The following MEGF9 variants were observed in gnomAD, a reference collection of about 807,000 sequenced individuals.
MEGF9 encodes multiple epidermal growth factor-like domains protein 9.
In MEGF9, 6 loss-of-function variants were observed where a neutral mutation model predicts 46.8. The ratio of observed to expected loss-of-function variants is 0.13; its 90% confidence interval spans 0.07 to 0.25. MEGF9 has a LOEUF of 0.25. Ranked by LOEUF, MEGF9 falls within the 10% of genes least tolerant of loss-of-function variation. MEGF9 has a pLI of 1.00. For missense variants in MEGF9, 683 were observed against 792.4 expected (o/e 0.86, Z 1.66); for synonymous variants, 302 against 330.7 (o/e 0.91, Z 0.94).
In MEGF9 at chr9:120,612,428, G is replaced by GC; in HGVS notation, c.1054_1055insG (p.Ser352CysfsTer15). ...GCAGCTGCCTGTAGATGTCACTGCT[G>GC]AACAAGGGCAGCGAAGACATTCTTT... On this transcript the variant is annotated frameshift_variant, in exon 4 of 6. Coordinates refer to ENST00000373930, the MANE Select transcript of MEGF9 (RefSeq NM_001080497.3). LOFTEE classifies it high-confidence loss of function. 6.2e-7 allele frequency: 1 copy of GC among 1,613,524 alleles called. No homozygotes were observed. Among genetic ancestry groups the GC allele is most frequent in the Non-Finnish European group, 8.5e-7 (1 of 1,179,674 alleles).
At chr9:120,665,642 G>A (rs2043721759) in intron 1 of MEGF9, among the ~76,000 whole-genome samples, 1 of 152,030 alleles carries the variant, frequency 6.6e-6, no homozygotes, top group Admixed American at 6.6e-5. Flanking sequence ...CAAATAGCAG[G>A]ATTTCATTAT....
At chr9:120,618,482 A>G (rs748994680) in intron 3 of MEGF9, among the ~76,000 whole-genome samples, 1 of 152,232 alleles carries the variant, frequency 6.6e-6, no homozygotes, top group African/African-American at 2.4e-5. Context: ...TATGAACATG[A>G]AGTTCCAGTT....
chr9:120,659,716 C>A (rs1196180701), intron 1 of MEGF9, 141 bp from the exon 2 acceptor site: 11 of 707,768 alleles, frequency 1.6e-5, no homozygotes, highest in East Asian at 1.4e-4. Flanking sequence ...TTCAAATTTA[C>A]TTTCTATCCC....
chr9:120,615,294 T>TACACACAC (rs1564412454), intron 3 of MEGF9, among the ~76,000 whole-genome samples: 2 of 147,344 alleles, frequency 1.4e-5, no homozygotes, highest in African/African-American at 5.0e-5. Context: ...TGTGCATGTG[T>TACACACAC]GTGTACACAC....
intron 1 of MEGF9, among the ~76,000 whole-genome samples, chr9:120,710,424 T>TAA (rs61674473): frequency 0.58 from 57,734 of 99,448 alleles, 17,403 homozygotes; most frequent in South Asian, 0.71. Context: ...AACTCCGTCT[T>TAA]AAAAAAAAAA....
rs925102068 is a variant in MEGF9, at chr9:120,602,923, T to C, written c.*2267A>G. Reference sequence around the variant, plus strand: ...GAGTTCACCTTAATGAAGCACAAACTGGCAGTTTTGTTTTCTAATCACTAA... The same window carrying C: ...GAGTTCACCTTAATGAAGCACAAACCGGCAGTTTTGTTTTCTAATCACTAA... On this transcript the variant is annotated 3_prime_UTR_variant, in exon 6 of 6. Transcript: ENST00000373930. 1.7e-4 allele frequency: 26 copies of C among 152,210 alleles called. No individual in the cohort carries two copies. The highest frequency in any genetic ancestry group is 6.0e-4 in the African/African-American group (25 of 41,464). 9.4% of individuals were successfully genotyped at this position (152,210 alleles called of 1,614,324 possible).
intron 1 of MEGF9, among the ~76,000 whole-genome samples, chr9:120,696,878 C>A (rs549389085): frequency 2.2e-4 from 34 of 152,248 alleles, no homozygotes; most frequent in African/African-American, 8.2e-4. Context: ...GACCACTGTA[C>A]TTATGTACCT....
In MEGF9 at chr9:120,659,788, AGTGT is replaced by A. The variant is rs67080202; in HGVS notation, c.602-217_602-214del. Among the ~76,000 whole-genome samples the A allele has an allele frequency of 2.0e-3, 282 of 142,894 alleles. 1 individual carries two copies. The highest frequency in any genetic ancestry group is 9.6e-3 in the South Asian group (42 of 4,372). The allele number at this position is 142,894 out of a possible 152,430, so 93.7% of individuals were successfully genotyped here. On this transcript the variant is annotated intron_variant, in intron 1 of 5. Transcript: ENST00000373930. Reference sequence around the variant, plus strand: ...ATAAATTATGTAGTGTGTGTGTGACAGTGTGTGTGTGTGTGTGTGTGTGTGTGTG... The same window carrying A: ...ATAAATTATGTAGTGTGTGTGTGACAGTGTGTGTGTGTGTGTGTGTGTGTG...
At chr9:120,650,363 C>T (rs2043644331) in intron 2 of MEGF9, among the ~76,000 whole-genome samples, 1 of 152,226 alleles carries the variant, frequency 6.6e-6, no homozygotes, top group South Asian at 2.1e-4. Context: ...TTATTAAGCA[C>T]ATGTCAAAAT....
At chr9:120,619,289 G>A (rs1259009086) in intron 3 of MEGF9, among the ~76,000 whole-genome samples, 2 of 152,220 alleles carry the variant, frequency 1.3e-5, no homozygotes, top group Admixed American at 6.5e-5. Context: ...GGAGGTTGCA[G>A]TGAGCCGAGA....
At chr9:120,702,020 G>A (rs1401922774) in intron 1 of MEGF9, among the ~76,000 whole-genome samples, 1 of 151,702 alleles carries the variant, frequency 6.6e-6, no homozygotes, top group Non-Finnish European at 1.5e-5. Context: ...TCCAGCCTAG[G>A]CGACAGAGCA....
At chr9:120,702,270 CCT>C (rs2043909022) in intron 1 of MEGF9, among the ~76,000 whole-genome samples, 2 of 152,130 alleles carry the variant, frequency 1.3e-5, no homozygotes, top group South Asian at 4.2e-4. Flanking sequence ...AAACAAATAC[CCT>C]GATATAGATC....
intron 1 of MEGF9, among the ~76,000 whole-genome samples, chr9:120,693,117 C>G (rs1390793816): frequency 2.0e-5 from 3 of 151,704 alleles, no homozygotes; most frequent in Non-Finnish European, 4.4e-5. Context: ...AACAGAAAGC[C>G]CAGTGTAAAC....
chr9:120,693,150 T>G (rs1268140964), intron 1 of MEGF9, among the ~76,000 whole-genome samples: 1 of 152,088 alleles, frequency 6.6e-6, no homozygotes, highest in Non-Finnish European at 1.5e-5. Context: ...GCACACCCTT[T>G]TCTTTGTTAC....
chr9:120,698,221 C>A (rs565600568), intron 1 of MEGF9, among the ~76,000 whole-genome samples: 6 of 152,296 alleles, frequency 3.9e-5, no homozygotes, highest in African/African-American at 1.4e-4. Flanking sequence ...CATCTTTCTA[C>A]GAGCCCAATT....
chr9:120,711,955 CT>C (rs1267039474), intron 1 of MEGF9, among the ~76,000 whole-genome samples: 1 of 151,986 alleles, frequency 6.6e-6, no homozygotes, highest in African/African-American at 2.4e-5. Flanking sequence ...TAAGTGTTAA[CT>C]TATTTAATCT....
chr9:120,706,718 C>T (rs1441957849), intron 1 of MEGF9, among the ~76,000 whole-genome samples: 1 of 152,032 alleles, frequency 6.6e-6, no homozygotes, highest in Admixed American at 6.6e-5. Flanking sequence ...ACCTGTAGTC[C>T]CAGCTACTCT....
intron 2 of MEGF9, among the ~76,000 whole-genome samples, chr9:120,652,421 G>A (rs551756152): frequency 4.3e-5 from 6 of 141,012 alleles, no homozygotes; most frequent in Admixed American, 1.5e-4. Context: ...AGGCTGCAGC[G>A]AGCCATGATT....
chr9:120,640,788 C>A (rs550036741), intron 2 of MEGF9, among the ~76,000 whole-genome samples: 1 of 152,152 alleles, frequency 6.6e-6, no homozygotes, highest in South Asian at 2.1e-4. Flanking sequence ...TTGCTGAGGT[C>A]TGGTGTATGA....
Sources: allele counts gnomAD v4.1 joint callset (sites outside exome capture counted in the v4.1 genomes callset), GRCh38; gene constraint gnomAD v4.1.1; transcripts MANE v1.5; gene names NCBI Gene and HGNC (gene_info 2026-07-23, HGNC 2026-07-21).